STK32B: variants seen among roughly 807,000 people sequenced by gnomAD.
STK32B encodes serine/threonine kinase 32B.
STK32B carries 43 observed loss-of-function variants against 52.6 expected under a neutral mutation model. The ratio of observed to expected loss-of-function variants is 0.82; its 90% CI spans 0.64 to 1.05. The LOEUF (loss-of-function observed/expected upper bound fraction) is 1.05. Among genes scored for constraint, STK32B ranks in the 50% least tolerant of loss-of-function variants. STK32B has a pLI of 0.00. For synonymous variants in STK32B, 238 were observed against 204.3 expected (o/e 1.17, Z -1.41); for missense variants, 621 against 534.6 (o/e 1.16, Z -1.59).
Position 5,317,207 on chromosome 4 carries a change from T to TAC in STK32B, c.261-14012_261-14011insCA, listed in dbSNP as rs1285242149. Among the ~76,000 whole-genome samples the TAC allele has an allele frequency of 4.0e-4, 24 of 59,796 alleles. 2 individuals carry two copies. The highest frequency in any genetic ancestry group is 3.1e-3 in the African/African-American group (22 of 7,056). 39.2% of individuals were successfully genotyped at this position (59,796 alleles called of 152,430 possible). Reference sequence around the variant, plus strand: ...ATATATATAACATATATATATTATATATATAACATATATATATTATATATA... The same window carrying TAC: ...ATATATATAACATATATATATTATATACATATAACATATATATATTATATATA... On this transcript the variant is annotated intron_variant, in intron 3 of 11. Transcript: ENST00000282908.
At chr4:5,340,625 G>C (rs564446651) in intron 4 of STK32B, among the ~76,000 whole-genome samples, 1 of 152,178 alleles carries the variant, frequency 6.6e-6, no homozygotes, top group Non-Finnish European at 1.5e-5. Flanking sequence ...CTTCATCCAA[G>C]GCAGGATTCC....
chr4:5,293,126 C>A (rs1395561001), intron 3 of STK32B, among the ~76,000 whole-genome samples: 1 of 152,010 alleles, frequency 6.6e-6, no homozygotes, highest in East Asian at 1.9e-4. Context: ...TTAACTCATT[C>A]TTTTTTATGG....
chr4:5,301,544 G>A (rs1010073497), intron 3 of STK32B, among the ~76,000 whole-genome samples: 4 of 151,438 alleles, frequency 2.6e-5, no homozygotes, highest in African/African-American at 9.7e-5. Context: ...CATCTAGAAT[G>A]TCTAATTTGT....
At chr4:5,114,046 T>C (rs912720815) in intron 1 of STK32B, among the ~76,000 whole-genome samples, 2 of 152,052 alleles carry the variant, frequency 1.3e-5, no homozygotes, top group Admixed American at 6.6e-5. Context: ...CAGATTGAAA[T>C]TGTGGAAATT....
chr4:5,423,945 C>T (rs1397434619), intron 6 of STK32B, among the ~76,000 whole-genome samples: 3 of 152,114 alleles, frequency 2.0e-5, no homozygotes, highest in African/African-American at 7.2e-5. Flanking sequence ...CTGGGTGCAG[C>T]TGTAGATACT....
In STK32B at chr4:5,204,829, A is replaced by G. The variant is rs553888713; in HGVS notation, c.260+36379A>G. The stretch of plus-strand genomic sequence containing the variant: ...GGTTCTTCATCCTCCCTTATGGACC[A>G]CTCGTGGGGAGGGGCTCTCAGGGCT... On this transcript the variant is annotated intron_variant, in intron 3 of 11. Transcript: ENST00000282908. Among the ~76,000 whole-genome samples the G allele has an allele frequency of 3.3e-5, 5 of 151,968 alleles. No homozygotes were observed. The South Asian group carries it at 6.3e-4, about 19-fold the overall frequency.
At chr4:5,322,236 G>C (rs566165772) in intron 3 of STK32B, among the ~76,000 whole-genome samples, 3 of 152,282 alleles carry the variant, frequency 2.0e-5, no homozygotes, top group Non-Finnish European at 1.5e-5. Flanking sequence ...AGTCAGGCTT[G>C]ATAAGCTCTT....
intron 3 of STK32B, among the ~76,000 whole-genome samples, chr4:5,266,393 G>T (rs989704127): frequency 1.3e-5 from 2 of 152,284 alleles, no homozygotes; most frequent in African/African-American, 4.8e-5. Flanking sequence ...GGGAGTGACT[G>T]GGGGTAAAAG....
At chr4:5,322,020 A>G (rs1731527578) in intron 3 of STK32B, among the ~76,000 whole-genome samples, 1 of 122,428 alleles carries the variant, frequency 8.2e-6, no homozygotes, top group East Asian at 2.5e-4. Context: ...AAAAAAAAAA[A>G]AGTGGTGGGA....
chr4:5,285,389 C>T (rs1728481728), intron 3 of STK32B, among the ~76,000 whole-genome samples: 1 of 151,952 alleles, frequency 6.6e-6, no homozygotes, highest in Non-Finnish European at 1.5e-5. Context: ...AAAGAATACC[C>T]AAAATCTCAG....
chr4:5,170,934 A>T (rs933419174), intron 3 of STK32B, among the ~76,000 whole-genome samples: 2 of 152,022 alleles, frequency 1.3e-5, no homozygotes, highest in African/African-American at 4.8e-5. Flanking sequence ...CAACAGTGTA[A>T]AAGTCCTATT....
In STK32B at chr4:5,470,781, A is replaced by T. The variant is rs1230339031; in HGVS notation, c.1106+2711A>T. On this transcript the variant is annotated intron_variant, in intron 11 of 11. Coordinates refer to ENST00000282908, the MANE Select transcript of STK32B (RefSeq NM_018401.3). The surrounding 1 kb of genome is among the most constrained non-coding windows in gnomAD (Gnocchi z 4.6). Reference sequence around the variant, plus strand: ...CATTTTTACTTTAAACCAAGAAAAAAGTGAGACCTGTTTATCCTTCACTTC... The same window carrying T: ...CATTTTTACTTTAAACCAAGAAAAATGTGAGACCTGTTTATCCTTCACTTC... Among the ~76,000 whole-genome samples, 1 of 152,246 alleles carries T rather than the reference A, an allele frequency of 6.6e-6. No homozygotes were observed. The highest frequency in any genetic ancestry group is 1.9e-4 in the East Asian group (1 of 5,192).
At chr4:5,495,987 C>A (rs1720200981) in intron 11 of STK32B, among the ~76,000 whole-genome samples, 1 of 151,218 alleles carries the variant, frequency 6.6e-6, no homozygotes, top group African/African-American at 2.5e-5. Flanking sequence ...TCTGCCCCTA[C>A]TGGGGGGTGC....
At chr4:5,206,331 G>T (rs1258792963) in intron 3 of STK32B, among the ~76,000 whole-genome samples, 1 of 152,142 alleles carries the variant, frequency 6.6e-6, no homozygotes, top group Non-Finnish European at 1.5e-5. Flanking sequence ...CCATGGGAGG[G>T]TATTTGCAGG....
chr4:5,354,955 T>C (rs936492580), intron 4 of STK32B, among the ~76,000 whole-genome samples: 34 of 152,106 alleles, frequency 2.2e-4, no homozygotes, highest in African/African-American at 8.0e-4. Flanking sequence ...CTTTGATGAT[T>C]TCATGAGCCA....
intron 1 of STK32B, among the ~76,000 whole-genome samples, chr4:5,053,167 C>A (rs1741856756): frequency 6.6e-6 from 1 of 152,208 alleles, no homozygotes; most frequent in African/African-American, 2.4e-5. Flanking sequence ...CCTGCTGTGT[C>A]AGGCCCACGA....
chr4:5,342,818 A>G (rs1733176879), intron 4 of STK32B, among the ~76,000 whole-genome samples: 1 of 152,204 alleles, frequency 6.6e-6, no homozygotes, highest in African/African-American at 2.4e-5. Flanking sequence ...CTTTAGAACT[A>G]TTTGTTAAAT....
At chr4:5,284,514 C>G (rs1371892608) in intron 3 of STK32B, among the ~76,000 whole-genome samples, 1 of 152,016 alleles carries the variant, frequency 6.6e-6, no homozygotes, top group Non-Finnish European at 1.5e-5. Context: ...GTACATTAAT[C>G]TATTATAAAA....
At chr4:5,189,060 A>G (rs1221191978) in intron 3 of STK32B, among the ~76,000 whole-genome samples, 1 of 152,046 alleles carries the variant, frequency 6.6e-6, no homozygotes, top group African/African-American at 2.4e-5. Context: ...AGCAAAATTA[A>G]GAGGAGATTT....
Sources: gnomAD v4.1 joint callset for allele counts (sites outside exome capture counted in the v4.1 genomes callset) on GRCh38, gnomAD v4.1.1 for gene constraint, Gnocchi (gnomAD v3.1) non-coding constraint, MANE v1.5 for transcripts, NCBI Gene and HGNC (gene_info 2026-07-23, HGNC 2026-07-21) for gene names.